The following FRY variants were observed in gnomAD, a reference collection of about 807,000 sequenced individuals.
FRY encodes the protein FRY microtubule binding protein.
FRY carries 128 observed loss-of-function variants against 348.4 expected under a neutral mutation model. That is an observed-to-expected ratio of 0.37 (90% CI 0.32 to 0.43). The LOEUF is 0.43. Among genes scored for constraint, FRY ranks in the 20% least tolerant of loss-of-function variants. The pLI is 1.00. For synonymous variants in FRY, 1,370 were observed against 1,374.7 expected (o/e 1.00, Z 0.08); for missense variants, 2,736 against 3,695.2 (o/e 0.74, Z 6.73).
chr13:32,192,239 T>C (rs1388304998), intron 28 of FRY, among the ~76,000 whole-genome samples: 1 of 152,104 alleles, frequency 6.6e-6, no homozygotes, highest in Non-Finnish European at 1.5e-5. Context: ...AAAGCTTGAT[T>C]CTTCTCTCAA....
At chr13:32,040,957 C>T (rs1872722773) in intron 1 of FRY, among the ~76,000 whole-genome samples, 1 of 152,126 alleles carries the variant, frequency 6.6e-6, no homozygotes, top group African/African-American at 2.4e-5. Flanking sequence ...TTTGGTTCAC[C>T]TTTACTTAAT....
intron 31 of FRY, among the ~76,000 whole-genome samples, chr13:32,203,037 T>C (rs942568501): frequency 6.6e-6 from 1 of 152,166 alleles, no homozygotes; most frequent in African/African-American, 2.4e-5. Flanking sequence ...CATATGAAAG[T>C]AAATTCTATA....
chr13:32,273,222 C>CTTT (rs552249398), intron 55 of FRY, among the ~76,000 whole-genome samples: 6 of 124,172 alleles, frequency 4.8e-5, no homozygotes, highest in African/African-American at 9.4e-5. Context: ...TTTAACTGTT[C>CTTT]TTTTTTTTTT....
At chr13:32,268,409 C>T (rs903519867) in intron 55 of FRY, among the ~76,000 whole-genome samples, 3 of 142,824 alleles carry the variant, frequency 2.1e-5, no homozygotes, top group African/African-American at 5.3e-5. Context: ...CTGGAAGCTA[C>T]GAAGATGAGG....
At chr13:32,117,661 C>T (rs898652704) in intron 4 of FRY, among the ~76,000 whole-genome samples, 188 bp downstream of exon 4, 3 of 152,146 alleles carry the variant, frequency 2.0e-5, no homozygotes, top group Non-Finnish European at 4.4e-5. Flanking sequence ...CCAGCCGTCA[C>T]GGGTTGAAAA....
chr13:32,257,840 A>G (rs1448527906), intron 51 of FRY: 4 of 790,882 alleles, frequency 5.1e-6, no homozygotes, highest in Non-Finnish European at 6.7e-6. Flanking sequence ...ACTGAAGTGT[A>G]TATTGTTAGC....
intron 2 of FRY, among the ~76,000 whole-genome samples, chr13:32,086,954 G>A (rs946949027): frequency 2.0e-5 from 3 of 152,158 alleles, no homozygotes; most frequent in African/African-American, 7.2e-5. Flanking sequence ...GGATATTTTA[G>A]ACATTGCCCC....
At chr13:32,262,262 T>C in intron 52 of FRY, 52 bp from the exon 53 acceptor site, 1 of 1,456,594 alleles carries the variant, frequency 6.9e-7, no homozygotes, top group Non-Finnish European at 9.6e-7. Context: ...AATGGAGCTT[T>C]TAAAGAATGG....
rs1887218672 is a variant in FRY, at chr13:32,254,121, T to A, written c.7246-103T>A. 3 of 982,160 alleles carry A rather than the reference T, an allele frequency of 3.1e-6. No homozygotes were observed. In the Admixed American group the frequency reaches 5.1e-5, roughly 17 times the overall value. The allele number at this position is 982,160 out of a possible 1,614,324, so 60.8% of individuals were successfully genotyped here. A position where few individuals can be genotyped will look rare whatever the true frequency, so the allele number is the denominator to read the frequency against. ...AAAAATACCCACTGAAGGAATTAGGTGTGTACTGGAAATACGGTGCTATGA... is the reference window on the plus strand; with the variant it reads ...AAAAATACCCACTGAAGGAATTAGGAGTGTACTGGAAATACGGTGCTATGA... On this transcript the variant is annotated intron_variant, in intron 50 of 60. Transcript: ENST00000542859.
chr13:32,259,148 T>A (rs866792738), intron 51 of FRY, among the ~76,000 whole-genome samples: 1 of 152,194 alleles, frequency 6.6e-6, no homozygotes, highest in Non-Finnish European at 1.5e-5. Flanking sequence ...CTTTTCACTT[T>A]GTATGTAACA....
rs1886268938 is a variant in FRY at position 32,237,190 on chromosome 13, T to A, written c.5811-189T>A. Reference sequence around the variant, plus strand: ...AAGTAGCAGTCAGTATTGGGCTTTTTGTTTTGTTGATGAGGGTTTCTCTTG... The same window carrying A: ...AAGTAGCAGTCAGTATTGGGCTTTTAGTTTTGTTGATGAGGGTTTCTCTTG... On this transcript the variant is annotated intron_variant, in intron 43 of 60. Coordinates refer to ENST00000542859, the MANE Select transcript of FRY (RefSeq NM_023037.3). The surrounding 1 kb of genome is among the most constrained non-coding windows in gnomAD (Gnocchi z 6.3). 6.6e-6 allele frequency among the ~76,000 whole-genome samples: 1 copy of A among 152,188 alleles called. No homozygotes were observed. The highest frequency in any genetic ancestry group is 1.9e-4 in the East Asian group (1 of 5,192).
intron 11 of FRY, among the ~76,000 whole-genome samples, chr13:32,143,248 C>A (rs1880195779): frequency 6.6e-6 from 1 of 152,108 alleles, no homozygotes; most frequent in South Asian, 2.1e-4. Context: ...TCAAGAATAT[C>A]ATTTGTGCAA....
chr13:32,083,903 T>C (rs114200163), intron 2 of FRY, among the ~76,000 whole-genome samples: 2,143 of 152,150 alleles, frequency 0.014, 51 homozygotes, highest in African/African-American at 0.049. Context: ...TATCCCCCAG[T>C]TGACAATAAA....
chr13:32,182,190 A>G (rs1426831176), intron 23 of FRY, among the ~76,000 whole-genome samples: 4 of 152,374 alleles, frequency 2.6e-5, no homozygotes, highest in Non-Finnish European at 2.9e-5. Flanking sequence ...GCTACATCTT[A>G]TCTTTTTGTC....
At position 32,239,681 on chromosome 13, in the gene FRY, T is replaced by A. The variant is rs45467296; in HGVS notation, c.6517-30T>A. On this transcript the variant is annotated intron_variant, in intron 45 of 60. Coordinates refer to ENST00000542859, the MANE Select transcript of FRY (RefSeq NM_023037.3). This position sits in a 1 kb window ranked among gnomAD's most constrained non-coding sequence, Gnocchi z 4.3. ...TTTCTTCCTATTCATTGGGCTATTT[T>A]ATTCCTAATTGATTTTTTTATTTTA... The A allele has an allele frequency of 5.3e-6, 8 of 1,507,700 alleles. No individual in the cohort carries two copies. The highest frequency in any genetic ancestry group is 6.5e-6 in the Non-Finnish European group (7 of 1,084,630). 93.4% of individuals were successfully genotyped at this position (1,507,700 alleles called of 1,614,324 possible). A position where few individuals can be genotyped will look rare whatever the true frequency, so the allele number is the denominator to read the frequency against.
At position 32,289,625 on chromosome 13, in the gene FRY, C is replaced by G. The variant is rs749879145; in HGVS notation, c.8470-8C>G. 6.7e-7 allele frequency: 1 copy of G among 1,497,934 alleles called. No homozygotes were observed. The highest frequency in any genetic ancestry group is 9.3e-7 in the Non-Finnish European group (1 of 1,073,964). The allele number at this position is 1,497,934 out of a possible 1,614,324, so 92.8% of individuals were successfully genotyped here. On this transcript the variant is annotated splice_region_variant and splice_polypyrimidine_tract_variant and intron_variant, in intron 58 of 60. Coordinates refer to ENST00000542859, the MANE Select transcript of FRY (RefSeq NM_023037.3). ...AACTGTTTCTTCCCATGCAATTTCTCTCTTTAGCAATTGGAACTGTGTCAG... is the reference window on the plus strand; with the variant it reads ...AACTGTTTCTTCCCATGCAATTTCTGTCTTTAGCAATTGGAACTGTGTCAG...
At chr13:32,032,452 A>T (rs1872288798) in intron 1 of FRY, among the ~76,000 whole-genome samples, 1 of 152,206 alleles carries the variant, frequency 6.6e-6, no homozygotes, top group Non-Finnish European at 1.5e-5. Context: ...TCTGAATGCC[A>T]TTTAATATTT....
In FRY at chr13:32,231,109, G is replaced by C. The variant is rs1885887078; in HGVS notation, c.5406-70G>C. 35 of 1,344,346 alleles carry C rather than the reference G, an allele frequency of 2.6e-5. No homozygotes were observed. In the South Asian group the frequency reaches 3.6e-4, roughly 14 times the overall value. The allele number at this position is 1,344,346 out of a possible 1,614,324, so 83.3% of individuals were successfully genotyped here. A position where few individuals can be genotyped will look rare whatever the true frequency, so the allele number is the denominator to read the frequency against. On this transcript the variant is annotated intron_variant, in intron 40 of 60. Coordinates refer to ENST00000542859, the MANE Select transcript of FRY (RefSeq NM_023037.3). ...AAATATGTTATATGTTTGGAGTCAG[G>C]ACTGTATGTGTAGTTTTAAAAATGC... is the stretch of plus-strand genomic sequence containing the variant.
intron 1 of FRY, among the ~76,000 whole-genome samples, chr13:32,061,806 G>C (rs1183271869): frequency 6.6e-6 from 1 of 151,916 alleles, no homozygotes; most frequent in Non-Finnish European, 1.5e-5. Context: ...AGTTACATTA[G>C]TTCTAACATA....
Sources: gnomAD v4.1 joint callset for allele counts (sites outside exome capture counted in the v4.1 genomes callset) on GRCh38, gnomAD v4.1.1 for gene constraint, Gnocchi (gnomAD v3.1) non-coding constraint, MANE v1.5 for transcripts, NCBI Gene and HGNC (gene_info 2026-07-23, HGNC 2026-07-21) for gene names.